Variants in KLKB1 observed in about 807,000 individuals in gnomAD.
KLKB1 encodes kallikrein B1, also known as plasma kallikrein.
KLKB1 carries 58 observed loss-of-function variants against 73.6 expected under a neutral mutation model. The ratio of observed to expected loss-of-function variants is 0.79; its 90% CI spans 0.64 to 0.98. KLKB1 has a LOEUF of 0.98. KLKB1 is among the 50% of genes least tolerant of loss of function. The pLI, the probability that KLKB1 is intolerant of heterozygous loss-of-function variation, is 0.00. For synonymous variants in KLKB1, 280 were observed against 258.1 expected (o/e 1.08, Z -0.81); for missense variants, 737 against 763.8 (o/e 0.96, Z 0.41).
upstream of KLKB1, chr4:186,227,412 A>G (rs1232902850): frequency 6.6e-6 from 1 of 152,180 alleles, no homozygotes; most frequent in Non-Finnish European, 1.5e-5. Flanking sequence ...CTGAACACGG[A>G]TAGGATGTTC....
intron 10 of KLKB1, 27 bp downstream of exon 10, chr4:186,251,888 C>A: frequency 6.3e-7 from 1 of 1,598,188 alleles, no homozygotes; most frequent in Non-Finnish European, 8.6e-7. Flanking sequence ...TTTCGTGGAC[C>A]TGTCAGGGAT....
rs1462847725 is a variant in KLKB1 at position 186,251,948 on chromosome 4, TCTC to T, written c.1145-66_1145-64del. ...AGTCTTAAGGAATTATGTGTCTTGT[TCTC>T]CTTGGTTAGAAGGGACTTTGATTCA... On this transcript the variant is annotated intron_variant, in intron 10 of 14. Coordinates refer to ENST00000264690, the MANE Select transcript of KLKB1 (RefSeq NM_000892.5). 2.5e-6 allele frequency: 4 copies of T among 1,610,282 alleles called. No homozygotes were observed. The African/African-American group carries it at 4.0e-5, about 16-fold the overall frequency.
chr4:186,234,983 GT>G (rs996473632), intron 4 of KLKB1, among the ~76,000 whole-genome samples: 1 of 152,136 alleles, frequency 6.6e-6, no homozygotes, highest in African/African-American at 2.4e-5. Flanking sequence ...AATTTCAGAT[GT>G]TTTTAAATTT....
intron 12 of KLKB1, among the ~76,000 whole-genome samples, chr4:186,254,968 A>G (rs1738914670): frequency 6.6e-6 from 1 of 152,184 alleles, no homozygotes; most frequent in African/African-American, 2.4e-5. Context: ...ATGTGAATTA[A>G]TTCTTTCAGG....
At chr4:186,254,556 G>C (rs1471426454) in intron 11 of KLKB1, 32 bp from the exon 12 acceptor site, 2 of 1,590,268 alleles carry the variant, frequency 1.3e-6, no homozygotes, top group African/African-American at 2.7e-5. Flanking sequence ...GGACTGCCCA[G>C]TTTCAAACAG....
rs1396182481 is a variant in KLKB1 at position 186,252,039 on chromosome 4, AC to A, written c.1168del (p.Arg390AlafsTer17). 1 of 1,614,208 alleles carries A rather than the reference AC, an allele frequency of 6.2e-7. No individual in the cohort carries two copies. Among genetic ancestry groups the A allele is most frequent in the Admixed American group, 1.7e-5 (1 of 60,038 alleles). On this transcript the variant is annotated frameshift_variant, in exon 11 of 15. Transcript: ENST00000264690. LOFTEE classifies it high-confidence loss of function. ...NSVCTTKTST[R>X]IVGGTNSSWG... ...CAGTCTGCACAACAAAAACAAGCAC[AC>A]GCATTGTTGGAGGAACAAACTCTTC...
intron 11 of KLKB1, among the ~76,000 whole-genome samples, chr4:186,254,191 T>G (rs564275759): frequency 7.2e-5 from 11 of 152,368 alleles, no homozygotes; most frequent in African/African-American, 2.6e-4. Flanking sequence ...TAGAAGAGCA[T>G]TAGAAGATCA....
chr4:186,235,068 C>A (rs1737588437), intron 4 of KLKB1, among the ~76,000 whole-genome samples: 1 of 152,182 alleles, frequency 6.6e-6, no homozygotes, highest in South Asian at 2.1e-4. Context: ...TGCATTTTAA[C>A]CAGTTATCAA....
At chr4:186,231,953 C>G (rs1372055629) in intron 2 of KLKB1, among the ~76,000 whole-genome samples, 174 bp from the exon 3 acceptor site, 3 of 152,124 alleles carry the variant, frequency 2.0e-5, no homozygotes, top group Non-Finnish European at 2.9e-5. Context: ...TTAAATAACA[C>G]TATACATTGT....
At chr4:186,215,970 G>C (rs1353858553) in intron 2 of KLKB1, among the ~76,000 whole-genome samples, 1 of 152,164 alleles carries the variant, frequency 6.6e-6, no homozygotes, top group Non-Finnish European at 1.5e-5. Flanking sequence ...TGCTGTTCTG[G>C]AAAGGCAAGG....
chr4:186,227,228 G>A (rs987385763), upstream of KLKB1, among the ~76,000 whole-genome samples: 1 of 152,162 alleles, frequency 6.6e-6, no homozygotes, highest in Admixed American at 6.5e-5. Context: ...GCTGCAACCA[G>A]GTGGCATAAC....
rs1409200329 is a variant in KLKB1 at position 186,252,695 on chromosome 4, G to T, written c.1313+510G>T. ...CACCACCTACCCCACCACCAATCCCGCCACCCACGACCAATCCCACCACCG... is the reference window on the plus strand; with the variant it reads ...CACCACCTACCCCACCACCAATCCCTCCACCCACGACCAATCCCACCACCG... On this transcript the variant is annotated intron_variant, in intron 11 of 14. Transcript: ENST00000264690. Among the ~76,000 whole-genome samples the T allele has an allele frequency of 1.2e-3, 40 of 32,720 alleles. 1 individual carries two copies. Among genetic ancestry groups the T allele is most frequent in the Non-Finnish European group, 2.8e-4 (5 of 17,594 alleles). The allele number at this position is 32,720 out of a possible 152,430, so 21.5% of individuals were successfully genotyped here.
At chr4:186,231,368 C>A (rs1041071433) in intron 2 of KLKB1, among the ~76,000 whole-genome samples, 10 of 152,050 alleles carry the variant, frequency 6.6e-5, no homozygotes, top group Non-Finnish European at 1.5e-4. Flanking sequence ...GTAAAGACAC[C>A]GAATTCTCTA....
intron 11 of KLKB1, 75 bp from the exon 12 acceptor site, chr4:186,254,513 G>C (rs1364794798): frequency 2.5e-6 from 3 of 1,199,020 alleles, no homozygotes; most frequent in African/African-American, 3.0e-5. Flanking sequence ...CTTTGAAAGA[G>C]AGTGATAGGA....
chr4:186,214,697 T>C (rs1736836893), intron 2 of KLKB1, among the ~76,000 whole-genome samples: 1 of 149,268 alleles, frequency 6.7e-6, no homozygotes, highest in African/African-American at 2.6e-5. Context: ...CTCCTCTAAT[T>C]AAACCAGGTT....
chr4:186,251,906 A>C, intron 10 of KLKB1, 45 bp downstream of exon 10: 1 of 1,599,846 alleles, frequency 6.3e-7, no homozygotes, highest in Non-Finnish European at 8.6e-7. Context: ...GATGTCTGTC[A>C]TGTTGATAGT....
At chr4:186,233,128 T>C (rs998657932) in intron 3 of KLKB1, among the ~76,000 whole-genome samples, 6 of 152,122 alleles carry the variant, frequency 3.9e-5, no homozygotes, top group African/African-American at 1.4e-4. Context: ...TTGGCCAGGC[T>C]GGCCTTGAAC....
Position 186,228,206 on chromosome 4 carries a change from T to G in KLKB1, c.11T>G (p.Phe4Cys). 1 of 1,572,592 alleles carries G rather than the reference T, an allele frequency of 6.4e-7. No individual in the cohort carries two copies. The highest frequency in any genetic ancestry group is 8.8e-7 in the Non-Finnish European group (1 of 1,142,418). MIL[F>C]KQATYFISLF... is the part of the protein sequence containing the mutation. ...GTTTTCTTTTTTAGAATGATTTTATTCAAGCAAGCAACTTATTTCATTTCC... is the reference window on the plus strand; with the variant it reads ...GTTTTCTTTTTTAGAATGATTTTATGCAAGCAAGCAACTTATTTCATTTCC... Residue 4 changes from phenylalanine (F) to cysteine (C), a missense_variant, in exon 2 of 15, where the codon TTC becomes TGC. By Grantham distance (205) the Phe-to-Cys change is radical. Transcript: ENST00000264690.
At chr4:186,240,629 G>A (rs1737983023) in intron 6 of KLKB1, among the ~76,000 whole-genome samples, 1 of 152,154 alleles carries the variant, frequency 6.6e-6, no homozygotes. Flanking sequence ...CTGGGTGCTG[G>A]CTCTGTGCCT....
Sources: allele counts gnomAD v4.1 joint callset (sites outside exome capture counted in the v4.1 genomes callset), GRCh38; gene constraint gnomAD v4.1.1; transcripts MANE v1.5; gene names NCBI Gene and HGNC (gene_info 2026-07-23, HGNC 2026-07-21).